CNTNAP2: variants seen among roughly 807,000 people sequenced by gnomAD.
The protein encoded by CNTNAP2 is contactin-associated protein-like 2.
Under a neutral mutation model 155.2 loss-of-function variants are expected in CNTNAP2, and 98 were observed. The ratio of observed to expected loss-of-function variants is 0.63; its 90% CI spans 0.54 to 0.75. CNTNAP2 has a LOEUF of 0.75. CNTNAP2 is among the 30% of genes least tolerant of loss of function. The pLI is 0.00. For missense variants in CNTNAP2, 1,727 were observed against 1,688.1 expected (o/e 1.02, Z -0.40); for synonymous variants, 651 against 631.2 (o/e 1.03, Z -0.47).
intron 1 of CNTNAP2, among the ~76,000 whole-genome samples, chr7:146,464,516 A>C (rs1014066281): frequency 6.6e-6 from 1 of 152,150 alleles, no homozygotes; most frequent in Non-Finnish European, 1.5e-5. Context: ...AACCCATTAG[A>C]GGTGTAGATG....
intron 3 of CNTNAP2, among the ~76,000 whole-genome samples, chr7:146,902,155 A>C (rs558891016): frequency 6.6e-6 from 1 of 152,098 alleles, no homozygotes; most frequent in African/African-American, 2.4e-5. Context: ...AAGTGCTGGG[A>C]TTACAGGCGT....
intron 8 of CNTNAP2, among the ~76,000 whole-genome samples, chr7:147,261,626 G>A (rs913583350): frequency 6.6e-5 from 10 of 151,310 alleles, no homozygotes; most frequent in African/African-American, 1.9e-4. Flanking sequence ...TCAGAGAAGT[G>A]ACCTTTTAAC....
intron 10 of CNTNAP2, among the ~76,000 whole-genome samples, chr7:147,433,893 T>G (rs1797505433): frequency 6.6e-6 from 1 of 152,242 alleles, no homozygotes; most frequent in South Asian, 2.1e-4. Flanking sequence ...TTCAGATGTC[T>G]TAGAACAATG....
chr7:147,186,033 C>A (rs1563107637), intron 8 of CNTNAP2, among the ~76,000 whole-genome samples: 1 of 152,132 alleles, frequency 6.6e-6, no homozygotes, highest in Non-Finnish European at 1.5e-5. Flanking sequence ...TATAAATCAC[C>A]CAGTCTCTGG....
chr7:147,919,459 C>CTTTTT (rs796710849), intron 14 of CNTNAP2, among the ~76,000 whole-genome samples: 1 of 51,240 alleles, frequency 2.0e-5, no homozygotes, highest in African/African-American at 1.1e-4. Flanking sequence ...CTTTTTCTTT[C>CTTTTT]TTTTTTTTTT....
chr7:147,228,389 C>T (rs1202052063), intron 8 of CNTNAP2, among the ~76,000 whole-genome samples: 3 of 152,038 alleles, frequency 2.0e-5, no homozygotes, highest in Non-Finnish European at 4.4e-5. Context: ...GGGGGAATTG[C>T]TGGAGAAATT....
At chr7:147,811,438 C>A (rs552932532) in intron 13 of CNTNAP2, among the ~76,000 whole-genome samples, 21 of 152,150 alleles carry the variant, frequency 1.4e-4, no homozygotes, top group African/African-American at 5.1e-4. Flanking sequence ...CACAGTGTCA[C>A]CAAATCATGG....
intron 15 of CNTNAP2, chr7:148,044,471 T>C (rs531266361): frequency 1.3e-4 from 20 of 152,318 alleles, no homozygotes; most frequent in Non-Finnish European, 2.5e-4. Context: ...GAAACCTCAT[T>C]CCTAACGTGA....
At chr7:146,276,658 C>T (rs1007076543) in intron 1 of CNTNAP2, among the ~76,000 whole-genome samples, 1 of 152,126 alleles carries the variant, frequency 6.6e-6, no homozygotes, top group Non-Finnish European at 1.5e-5. Flanking sequence ...TGCCAACAGG[C>T]ACCATGAAAG....
chr7:147,228,967 C>A (rs755337773), intron 8 of CNTNAP2, among the ~76,000 whole-genome samples: 1 of 152,026 alleles, frequency 6.6e-6, no homozygotes, highest in Non-Finnish European at 1.5e-5. Context: ...TCATTCATGT[C>A]CCTGTAAGAG....
chr7:148,357,400 A>G (rs113943333), intron 21 of CNTNAP2, among the ~76,000 whole-genome samples: 8,159 of 152,276 alleles, frequency 0.054, 312 homozygotes, highest in African/African-American at 0.11. Context: ...CTTTATTAGC[A>G]GCATGAGAAC....
At chr7:148,051,257 T>G (rs982730184) in intron 15 of CNTNAP2, among the ~76,000 whole-genome samples, 2 of 152,234 alleles carry the variant, frequency 1.3e-5, no homozygotes, top group Non-Finnish European at 2.9e-5. Flanking sequence ...TTGTATTAAG[T>G]TGGCCTATGT....
intron 1 of CNTNAP2, among the ~76,000 whole-genome samples, chr7:146,204,223 C>G (rs1798911548): frequency 6.6e-6 from 1 of 152,078 alleles, no homozygotes; most frequent in Non-Finnish European, 1.5e-5. Context: ...AAATGACAGA[C>G]TCTAAATTGG....
At chr7:146,564,107 G>A (rs928287908) in intron 1 of CNTNAP2, among the ~76,000 whole-genome samples, 1 of 152,210 alleles carries the variant, frequency 6.6e-6, no homozygotes, top group East Asian at 1.9e-4. Context: ...AGGAAGTTCT[G>A]GCTGATATTT....
intron 1 of CNTNAP2, among the ~76,000 whole-genome samples, chr7:146,759,488 T>C (rs921701751): frequency 6.6e-6 from 1 of 151,692 alleles, no homozygotes; most frequent in African/African-American, 2.4e-5. Flanking sequence ...AGGTCAGAGA[T>C]CAAGACCATC....
chr7:146,157,542 A>G (rs765415958), intron 1 of CNTNAP2, among the ~76,000 whole-genome samples: 3 of 152,042 alleles, frequency 2.0e-5, no homozygotes, highest in Non-Finnish European at 2.9e-5. Context: ...ACTCTAATAC[A>G]GCGCTTTTCC....
intron 1 of CNTNAP2, among the ~76,000 whole-genome samples, chr7:146,200,465 G>A (rs1798841833): frequency 6.6e-6 from 1 of 151,778 alleles, no homozygotes; most frequent in Non-Finnish European, 1.5e-5. Context: ...CTGCACTCCA[G>A]CCTGGTGACA....
intron 14 of CNTNAP2, among the ~76,000 whole-genome samples, chr7:147,969,064 C>T (rs1801282305): frequency 6.6e-6 from 1 of 152,134 alleles, no homozygotes; most frequent in Non-Finnish European, 1.5e-5. Context: ...AACTGGTCTC[C>T]TTCTCTCTTT....
At chr7:146,917,906 G>C (rs1316348825) in intron 3 of CNTNAP2, among the ~76,000 whole-genome samples, 1 of 152,018 alleles carries the variant, frequency 6.6e-6, no homozygotes, top group African/African-American at 2.4e-5. Flanking sequence ...CCCAGTCTTG[G>C]GTATGTCTCT....
Sources: gnomAD v4.1 joint callset for allele counts (sites outside exome capture counted in the v4.1 genomes callset) on GRCh38, gnomAD v4.1.1 for gene constraint, MANE v1.5 for transcripts, NCBI Gene and HGNC (gene_info 2026-07-23, HGNC 2026-07-21) for gene names.